CHD7: variants seen among roughly 807,000 people sequenced by gnomAD.
CHD7 encodes chromodomain helicase DNA binding protein 7.
In CHD7, 24 loss-of-function variants were observed where a neutral mutation model predicts 307.3. The observed-to-expected ratio is 0.08, with a 90% CI of 0.06 to 0.11. CHD7 has a LOEUF of 0.11. Among genes scored for constraint, CHD7 ranks in the 10% least tolerant of loss-of-function variants. The pLI, the probability that CHD7 is intolerant of heterozygous loss-of-function variation, is 1.00. For synonymous variants in CHD7, 1,363 were observed against 1,349.9 expected (o/e 1.01, Z -0.21); for missense variants, 3,106 against 3,727.1 (o/e 0.83, Z 4.34).
At chr8:60,693,741 C>T (rs1367767444) in intron 1 of CHD7, among the ~76,000 whole-genome samples, 1 of 152,250 alleles carries the variant, frequency 6.6e-6, no homozygotes, top group Admixed American at 6.5e-5. Flanking sequence ...ACTGGCGGGA[C>T]ACCGTGGGTT....
At position 60,847,601 on chromosome 8, in the gene CHD7, C is replaced by T. The variant is rs550299579; in HGVS notation, c.5211-914C>T. ...TCATGGCCAAGAAGGCTGCGATTCA[C>T]GTATCAGTCCTGAATGCACACCAGG... On this transcript the variant is annotated intron_variant, in intron 23 of 37. Transcript: ENST00000423902. Among the ~76,000 whole-genome samples the T allele has an allele frequency of 3.6e-4, 55 of 152,304 alleles. No homozygotes were observed. The Middle Eastern group carries it at 0.017, about 47-fold the overall frequency.
At chr8:60,691,612 C>T (rs942030002) in intron 1 of CHD7, among the ~76,000 whole-genome samples, 1 of 152,174 alleles carries the variant, frequency 6.6e-6, no homozygotes, top group Non-Finnish European at 1.5e-5. Flanking sequence ...AAATGATTGT[C>T]TCTGAGCCTG....
At chr8:60,700,149 T>C (rs544591299) in intron 1 of CHD7, among the ~76,000 whole-genome samples, 1 of 152,340 alleles carries the variant, frequency 6.6e-6, no homozygotes, top group East Asian at 1.9e-4. Context: ...CTTGAGATTC[T>C]TTCTATGGAA....
Position 60,742,942 on chromosome 8 carries a change from C to A in CHD7, c.1510C>A (p.Gln504Lys). 1 of 1,613,214 alleles carries A rather than the reference C, an allele frequency of 6.2e-7. No individual in the cohort carries two copies. The highest frequency in any genetic ancestry group is 1.1e-5 in the South Asian group (1 of 90,896). The change falls in exon 2 of 38, where the codon CAA becomes AAA. Residue 504 changes from glutamine to lysine, a missense_variant. Physicochemically the swap from Gln to Lys is moderately conservative, Grantham distance 53 (BLOSUM62 1). Transcript: ENST00000423902. ...GATACCTGGCCAACAACATCCTGGT[C>A]AACAGCCATCTTTTCAGCAGTTGCC... ...RLIPGQQHPG[Q>K]QPSFQQLPTC...
Position 60,750,310 on chromosome 8 carries a change from T to A in CHD7, c.1665+7213T>A, listed in dbSNP as rs146310979. 3.2e-4 allele frequency among the ~76,000 whole-genome samples: 48 copies of A among 152,320 alleles called. No homozygotes were observed. The East Asian group carries it at 8.1e-3, about 26-fold the overall frequency. ...AGGCAGTACCACATGAAAGAAATAC[T>A]TATTTAGTGCCTGTTATGTGCCAAG... is the stretch of plus-strand genomic sequence containing the variant. On this transcript the variant is annotated intron_variant, in intron 2 of 37. Coordinates refer to ENST00000423902, the MANE Select transcript of CHD7 (RefSeq NM_017780.4).
intron 1 of CHD7, among the ~76,000 whole-genome samples, chr8:60,738,893 G>A (rs562892078): frequency 2.0e-5 from 3 of 152,310 alleles, no homozygotes; most frequent in South Asian, 2.1e-4. Flanking sequence ...GTAGAAGGGC[G>A]TAGGGAACAG....
At chr8:60,807,614 G>A (rs928503920) in intron 6 of CHD7, among the ~76,000 whole-genome samples, 8 of 152,226 alleles carry the variant, frequency 5.3e-5, no homozygotes, top group African/African-American at 1.9e-4. Context: ...TGCTATGTGT[G>A]TGAGACATCT....
At position 60,804,614 on chromosome 8, in the gene CHD7, C is replaced by T. The variant is rs183137119; in HGVS notation, c.2442+3021C>T. ...CCAAAAGTGAAAAGGGATTCATACC[C>T]ACGCCTTATTGATAACTTTATTGAG... On this transcript the variant is annotated intron_variant, in intron 6 of 37. Coordinates refer to ENST00000423902, the MANE Select transcript of CHD7 (RefSeq NM_017780.4). Among the ~76,000 whole-genome samples the T allele has an allele frequency of 1.2e-3, 180 of 152,296 alleles. 2 individuals carry two copies. Among genetic ancestry groups the T allele is most frequent in the Middle Eastern group, 0.01 (3 of 294 alleles).
chr8:60,850,819 T>G, intron 26 of CHD7, 197 bp downstream of exon 26: 1 of 737,874 alleles, frequency 1.4e-6, no homozygotes, highest in East Asian at 2.7e-5. Flanking sequence ...GAAACTTGTT[T>G]TTCTTTTCCA....
intron 23 of CHD7, among the ~76,000 whole-genome samples, chr8:60,846,130 A>T (rs1327925456): frequency 3.3e-5 from 5 of 152,226 alleles, no homozygotes; most frequent in Non-Finnish European, 5.9e-5. Flanking sequence ...TGGGCTAGTT[A>T]TCATGGCTGT....
At chr8:60,771,102 C>T (rs543544636) in intron 2 of CHD7, among the ~76,000 whole-genome samples, 26 of 152,278 alleles carry the variant, frequency 1.7e-4, no homozygotes, top group Non-Finnish European at 2.8e-4. Context: ...CAGAGGTGCT[C>T]AGTGATATCA....
chr8:60,764,191 A>C (rs991242422), intron 2 of CHD7, among the ~76,000 whole-genome samples: 1 of 152,142 alleles, frequency 6.6e-6, no homozygotes, highest in South Asian at 2.1e-4. Flanking sequence ...GGGTTTCACC[A>C]TGTTAGCCAG....
intron 2 of CHD7, 36 bp from the exon 3 acceptor site, chr8:60,780,964 G>T (rs1421794744): frequency 2.0e-6 from 3 of 1,482,946 alleles, no homozygotes; most frequent in Non-Finnish European, 2.7e-6. Context: ...TGTGAAGAAT[G>T]ATAAACTAAT....
At position 60,820,078 on chromosome 8, in the gene CHD7, T is replaced by A. The variant is rs1803958844; in HGVS notation, c.2685T>A (p.Asp895Glu). 6.2e-7 allele frequency: 1 copy of A among 1,607,484 alleles called. No individual in the cohort carries two copies. The change falls in exon 9 of 38, where the codon GAT (aspartate) becomes GAA (glutamate). Residue 895 changes from aspartate (D) to glutamate (E), a missense_variant. Transcript: ENST00000423902. ...DRIMDFARST[D>E]DRGEPVTHYL... ...TAATGGACTTTGCACGTAGCACAGA[T>A]GACCGGGGAGAGGTAACAGGAGATC...
intron 7 of CHD7, chr8:60,809,008 A>G (rs1369419930): frequency 6.6e-6 from 1 of 152,226 alleles, no homozygotes; most frequent in Non-Finnish European, 1.5e-5. Flanking sequence ...CTTTTAAGGC[A>G]AAGAACTAAA....
intron 1 of CHD7, among the ~76,000 whole-genome samples, chr8:60,731,768 T>C (rs914735034): frequency 7.2e-5 from 11 of 152,276 alleles, no homozygotes; most frequent in Admixed American, 2.0e-4. Flanking sequence ...GGTGCAGTTT[T>C]CCAAAATACT....
chr8:60,812,679 AG>A (rs1812869447), intron 7 of CHD7, among the ~76,000 whole-genome samples: 1 of 151,008 alleles, frequency 6.6e-6, no homozygotes, highest in Non-Finnish European at 1.5e-5. Flanking sequence ...AAAAAAAAAA[AG>A]AGTCCATTTT....
At position 60,728,608 on chromosome 8, in the gene CHD7, G is replaced by A. The variant is rs148658984; in HGVS notation, c.-174-12651G>A. ...TGGCGCGATCTCGGCTCACTGCAAC[G>A]AGCAAGGTCTTTCTTGATGTGCCCG... On this transcript the variant is annotated intron_variant, in intron 1 of 37. Transcript: ENST00000423902. 4.5e-4 allele frequency among the ~76,000 whole-genome samples: 69 copies of A among 152,240 alleles called. No individual in the cohort carries two copies. In the East Asian group the frequency reaches 0.011, roughly 25 times the overall value.
At chr8:60,684,154 C>A (rs1056208488) in intron 1 of CHD7, among the ~76,000 whole-genome samples, 2 of 152,032 alleles carry the variant, frequency 1.3e-5, no homozygotes, top group Non-Finnish European at 2.9e-5. Flanking sequence ...TAAAAAATAA[C>A]GTAGGTATTT....
Sources: allele counts gnomAD v4.1 joint callset (sites outside exome capture counted in the v4.1 genomes callset), GRCh38; gene constraint gnomAD v4.1.1; transcripts MANE v1.5; gene names NCBI Gene and HGNC (gene_info 2026-07-23, HGNC 2026-07-21).